CDS1: variants seen among roughly 807,000 people sequenced by gnomAD.
The protein encoded by CDS1 is CDP-diacylglycerol synthase 1.
Under a neutral mutation model 62.1 loss-of-function variants are expected in CDS1, and 41 were observed. That is an observed-to-expected ratio of 0.66 (90% confidence interval 0.51 to 0.86). CDS1 has a LOEUF of 0.86. Among genes scored for constraint, CDS1 ranks in the 40% least tolerant of loss-of-function variants. The pLI is 0.00. For synonymous variants in CDS1, 185 were observed against 192.6 expected (o/e 0.96, Z 0.32); for missense variants, 470 against 550.1 (o/e 0.85, Z 1.46).
intron 8 of CDS1, among the ~76,000 whole-genome samples, chr4:84,637,492 A>T (rs1724249282): frequency 1.3e-5 from 2 of 152,088 alleles, no homozygotes; most frequent in African/African-American, 2.4e-5. Context: ...CAACAACCAG[A>T]TATCATGAGA....
At chr4:84,585,713 T>TC (rs1722392135) in intron 1 of CDS1, among the ~76,000 whole-genome samples, 1 of 152,178 alleles carries the variant, frequency 6.6e-6, no homozygotes, top group Admixed American at 6.5e-5. Context: ...CTCCCTTTGT[T>TC]CCGGACTGGT....
In CDS1 at chr4:84,633,926, GA is replaced by G; in HGVS notation, c.711del (p.Gly238AlafsTer2). ...ACACCTTGTCATCCAAAATCTGTTT[GA>G]AGGCATGATATGGTAAGGCAACAGA... ...QSHLVIQNLF[E>X]GMIWFLVPIS... is the part of the protein sequence containing the mutation. On this transcript the variant is annotated frameshift_variant, in exon 7 of 13. Coordinates refer to ENST00000295887, the MANE Select transcript of CDS1 (RefSeq NM_001263.4). LOFTEE classifies it high-confidence loss of function. 6.2e-7 allele frequency: 1 copy of G among 1,601,266 alleles called. No individual in the cohort carries two copies. The highest frequency in any genetic ancestry group is 1.1e-5 in the South Asian group (1 of 89,938).
intron 12 of CDS1, among the ~76,000 whole-genome samples, chr4:84,648,199 C>T (rs1316917501): frequency 6.6e-6 from 1 of 152,114 alleles, no homozygotes; most frequent in Non-Finnish European, 1.5e-5. Context: ...CTATGTTCAC[C>T]AGGCTCCTTT....
At chr4:84,583,546 C>T (rs1452815332) in intron 1 of CDS1, 28 bp downstream of exon 1, 3 of 1,371,078 alleles carry the variant, frequency 2.2e-6, no homozygotes, top group Non-Finnish European at 3.0e-6. Context: ...AGGCGGACGC[C>T]GCGCCCTGGC....
At chr4:84,621,526 G>A (rs748268190) in intron 5 of CDS1, among the ~76,000 whole-genome samples, 1 of 152,084 alleles carries the variant, frequency 6.6e-6, no homozygotes, top group Non-Finnish European at 1.5e-5. Context: ...TAATGAGGAG[G>A]AATACATTTT....
At chr4:84,599,499 C>T (rs1200301281) in intron 1 of CDS1, among the ~76,000 whole-genome samples, 3 of 143,096 alleles carry the variant, frequency 2.1e-5, no homozygotes, top group Non-Finnish European at 3.0e-5. Flanking sequence ...AGTCTATCAC[C>T]ACTAAAAGTT....
chr4:84,644,065 G>A (rs777567110), intron 11 of CDS1, among the ~76,000 whole-genome samples: 1 of 152,198 alleles, frequency 6.6e-6, no homozygotes, highest in African/African-American at 2.4e-5. Context: ...TGTGGCTGTG[G>A]TTGAGAGTAG....
chr4:84,598,967 G>A (rs1391861682), intron 1 of CDS1, among the ~76,000 whole-genome samples: 1 of 152,144 alleles, frequency 6.6e-6, no homozygotes, highest in Non-Finnish European at 1.5e-5. Context: ...TTCCTGGACT[G>A]CTCTTTAAGA....
Position 84,648,577 on chromosome 4 carries a change from T to G in CDS1, c.1277T>G (p.Val426Gly). Residue 426 changes from valine (V) to glycine (G), a missense_variant, in exon 13 of 13, where the codon GTG becomes GGG. This residue lies in a region of CDS1 where 68 missense variants were observed against 81.5 expected (regional missense o/e 0.83). Coordinates refer to ENST00000295887, the MANE Select transcript of CDS1 (RefSeq NM_001263.4). ...ATTAGGGGCCCAAATCCCAGCAAAGTGCTACAGCAGTTGTTGGTGCTTCAA... is the reference window on the plus strand; with the variant it reads ...ATTAGGGGCCCAAATCCCAGCAAAGGGCTACAGCAGTTGTTGGTGCTTCAA... Reference protein sequence around the residue: ...SFIRGPNPSKVLQQLLVLQPE... With the variant: ...SFIRGPNPSKGLQQLLVLQPE... 1 of 1,613,844 alleles carries G rather than the reference T, an allele frequency of 6.2e-7. No individual in the cohort carries two copies. Among genetic ancestry groups the G allele is most frequent in the Non-Finnish European group, 8.5e-7 (1 of 1,179,854 alleles).
intron 9 of CDS1, among the ~76,000 whole-genome samples, chr4:84,639,202 C>T (rs1008451954): frequency 6.6e-6 from 1 of 152,164 alleles, no homozygotes; most frequent in Admixed American, 6.5e-5. Flanking sequence ...ATCTATGTCT[C>T]AGCCTTATCC....
intron 2 of CDS1, among the ~76,000 whole-genome samples, chr4:84,607,124 CT>C (rs1723119059): frequency 6.6e-6 from 1 of 152,048 alleles, no homozygotes; most frequent in Non-Finnish European, 1.5e-5. Context: ...ATTTGACTAC[CT>C]TATGAAGAAA....
chr4:84,627,003 T>C (rs1057049627), intron 5 of CDS1, among the ~76,000 whole-genome samples: 1 of 152,180 alleles, frequency 6.6e-6, no homozygotes, highest in African/African-American at 2.4e-5. Context: ...ACTATGGAAA[T>C]AGAAAGTATG....
intron 8 of CDS1, among the ~76,000 whole-genome samples, chr4:84,637,573 AC>A (rs1362503648): frequency 6.6e-6 from 1 of 152,086 alleles, no homozygotes; most frequent in African/African-American, 2.4e-5. Flanking sequence ...GTCACTTCCC[AC>A]CAGGCCCCAC....
intron 7 of CDS1, among the ~76,000 whole-genome samples, chr4:84,634,729 T>C (rs2148656537): frequency 6.6e-6 from 1 of 152,270 alleles, no homozygotes; most frequent in South Asian, 2.1e-4. Flanking sequence ...CTTTCATGTA[T>C]TGTACAGACT....
chr4:84,600,680 A>G (rs1194247800), intron 1 of CDS1, among the ~76,000 whole-genome samples: 1 of 152,230 alleles, frequency 6.6e-6, no homozygotes, highest in Non-Finnish European at 1.5e-5. Context: ...TGTCTTGATT[A>G]CAGTAGCTTT....
At chr4:84,643,419 G>A (rs891030411) in intron 11 of CDS1, among the ~76,000 whole-genome samples, 5 of 152,146 alleles carry the variant, frequency 3.3e-5, no homozygotes, top group Non-Finnish European at 7.3e-5. Context: ...CAGAATCTTG[G>A]TCTTTCAAGT....
chr4:84,643,271 G>C (rs529329560), intron 11 of CDS1, 128 bp downstream of exon 11: 1 of 785,300 alleles, frequency 1.3e-6, no homozygotes, highest in African/African-American at 1.7e-5. Flanking sequence ...TATTTGTTTC[G>C]ACCCCACAGA....
intron 9 of CDS1, among the ~76,000 whole-genome samples, chr4:84,639,571 A>G (rs1348289215): frequency 1.3e-5 from 2 of 152,218 alleles, no homozygotes; most frequent in Admixed American, 6.5e-5. Context: ...GATTTTTATT[A>G]AAAGGTGTCT....
intron 11 of CDS1, among the ~76,000 whole-genome samples, chr4:84,644,847 G>C (rs1020300390): frequency 6.6e-6 from 1 of 152,170 alleles, no homozygotes; most frequent in Non-Finnish European, 1.5e-5. Flanking sequence ...TCTTTTAGCA[G>C]CACTAAAATA....
Sources: allele counts gnomAD v4.1 joint callset (sites outside exome capture counted in the v4.1 genomes callset), GRCh38; gene constraint gnomAD v4.1.1; regional missense constraint gnomAD v4.1.1; transcripts MANE v1.5; gene names NCBI Gene and HGNC (gene_info 2026-07-23, HGNC 2026-07-21).